Variants in NRXN1 observed in about 807,000 individuals in gnomAD.
The protein encoded by NRXN1 is neurexin-1.
Under a neutral mutation model 150.9 loss-of-function variants are expected in NRXN1, and 39 were observed. The observed-to-expected ratio is 0.26, with a 90% CI of 0.20 to 0.34. The LOEUF (loss-of-function observed/expected upper bound fraction) is 0.34, where lower values mean the gene tolerates loss of function less well. Ranked by LOEUF, NRXN1 falls within the 10% of genes least tolerant of loss-of-function variation. The pLI is 1.00. For synonymous variants in NRXN1, 924 were observed against 757.0 expected (o/e 1.22, Z -3.62); for missense variants, 1,815 against 1,949.9 (o/e 0.93, Z 1.30).
At chr2:50,175,211 C>A (rs1165093759) in intron 18 of NRXN1, 1 of 152,154 alleles carries the variant, frequency 6.6e-6, no homozygotes, top group Non-Finnish European at 1.5e-5. Context: ...TGATAAGAAC[C>A]CCTCCTGAAA....
Position 49,921,742 on chromosome 2 carries a change from G to GT in NRXN1, c.*201dup. On this transcript the variant is annotated 3_prime_UTR_variant, in exon 23 of 23. Coordinates refer to ENST00000401669, the MANE Select transcript of NRXN1 (RefSeq NM_001330078.2). ...GATGTTAGGGAATTTATTGGCCCCT[G>GT]TTTTTTGTTTTTTGTTTTTCTTTTT... The GT allele has an allele frequency of 1.7e-6, 1 of 587,202 alleles. No individual in the cohort carries two copies. The highest frequency in any genetic ancestry group is 2.9e-6 in the Non-Finnish European group (1 of 340,842). The allele number at this position is 587,202 out of a possible 1,614,324, so 36.4% of individuals were successfully genotyped here.
intron 5 of NRXN1, among the ~76,000 whole-genome samples, chr2:50,830,641 T>A (rs1326534374): frequency 6.6e-6 from 1 of 151,436 alleles, no homozygotes; most frequent in Non-Finnish European, 1.5e-5. Context: ...CACAGTTCCC[T>A]GTTCTGTCAG....
Position 50,370,209 on chromosome 2 carries a change from T to C in NRXN1, c.3364+95233A>G, listed in dbSNP as rs746336617. 1.9e-4 allele frequency among the ~76,000 whole-genome samples: 29 copies of C among 152,006 alleles called. 1 individual carries two copies. The highest frequency in any genetic ancestry group is 3.1e-4 in the Non-Finnish European group (21 of 67,958). ...AATACATTAGGGCAGGGTACATGTT[T>C]GATGTTGTTTTGAGTCTCCATTTTG... On this transcript the variant is annotated intron_variant, in intron 17 of 22. Transcript: ENST00000401669.
intron 19 of NRXN1, among the ~76,000 whole-genome samples, chr2:50,056,381 G>T (rs1693623782): frequency 6.6e-6 from 1 of 151,972 alleles, no homozygotes; most frequent in Admixed American, 6.6e-5. Context: ...TCATCAATTT[G>T]TCATCTGAAT....
At chr2:50,279,492 T>C (rs1022265715) in intron 17 of NRXN1, among the ~76,000 whole-genome samples, 3 of 152,186 alleles carry the variant, frequency 2.0e-5, no homozygotes, top group Admixed American at 6.5e-5. Flanking sequence ...AATTTAACTT[T>C]TTTGGTTGTC....
intron 17 of NRXN1, among the ~76,000 whole-genome samples, chr2:50,374,123 T>C (rs2080310359): frequency 6.6e-6 from 1 of 151,036 alleles, no homozygotes; most frequent in South Asian, 2.1e-4. Context: ...AGACCTCGTC[T>C]CTATTTCAAA....
chr2:50,144,966 T>C (rs1260630444), intron 18 of NRXN1, among the ~76,000 whole-genome samples: 2 of 151,792 alleles, frequency 1.3e-5, no homozygotes, highest in Non-Finnish European at 2.9e-5. Flanking sequence ...TTAAAATTCA[T>C]AAACTAAATG....
At chr2:50,869,187 T>G (rs2106086251) in intron 5 of NRXN1, among the ~76,000 whole-genome samples, 1 of 151,912 alleles carries the variant, frequency 6.6e-6, no homozygotes, top group South Asian at 2.1e-4. Context: ...ATGAAGCAAT[T>G]AATAACAGTC....
chr2:50,251,043 T>C (rs532071577), intron 17 of NRXN1, among the ~76,000 whole-genome samples: 88 of 151,896 alleles, frequency 5.8e-4, no homozygotes, highest in African/African-American at 2.1e-3. Context: ...AATAAATTTA[T>C]TACATGTTGT....
rs55640811 is a variant in NRXN1, at chr2:51,028,169, G to T, written c.105C>A (p.Gly35=). The T allele has an allele frequency of 1.1e-3, 1,683 of 1,517,072 alleles. 1 individual carries two copies. Among genetic ancestry groups the T allele is most frequent in the Non-Finnish European group, 1.4e-3 (1,558 of 1,136,124 alleles). The allele number at this position is 1,517,072 out of a possible 1,614,324, so 94.0% of individuals were successfully genotyped here. ...AELGSGLEFP[G]AEGQWTRFPK... Reference sequence around the variant, plus strand: ...GGAAGCGCGTCCATTGGCCCTCGGCGCCCGGAAACTCCAGCCCGCTGCCCA... The same window carrying T: ...GGAAGCGCGTCCATTGGCCCTCGGCTCCCGGAAACTCCAGCCCGCTGCCCA... The change falls in exon 2 of 23, where the codon GGC becomes GGA. Residue 35 remains glycine (G), a synonymous_variant. Coordinates refer to ENST00000401669, the MANE Select transcript of NRXN1 (RefSeq NM_001330078.2).
At chr2:50,916,042 G>A (rs181330866) in intron 5 of NRXN1, among the ~76,000 whole-genome samples, 30 of 143,970 alleles carry the variant, frequency 2.1e-4, no homozygotes, top group Admixed American at 1.6e-3. Context: ...GAGAGACACC[G>A]GCATTCTAGA....
chr2:50,601,207 T>C (rs1302060970), intron 8 of NRXN1, among the ~76,000 whole-genome samples: 1 of 152,196 alleles, frequency 6.6e-6, no homozygotes, highest in African/African-American at 2.4e-5. Context: ...GTGTTAACAT[T>C]TTAAGCTTAT....
chr2:50,373,676 AAG>A (rs974152833), intron 17 of NRXN1, among the ~76,000 whole-genome samples: 3 of 103,932 alleles, frequency 2.9e-5, no homozygotes, highest in African/African-American at 1.4e-4. Flanking sequence ...GAAAGAAAGA[AAG>A]AAAAGAAAGA....
chr2:50,216,653 T>A (rs1007317002), intron 18 of NRXN1, among the ~76,000 whole-genome samples: 1 of 151,876 alleles, frequency 6.6e-6, no homozygotes, highest in African/African-American at 2.4e-5. Flanking sequence ...AAAAAAAAAA[T>A]CAGAGTGCTT....
intron 2 of NRXN1, among the ~76,000 whole-genome samples, chr2:50,999,270 T>A (rs1188673797): frequency 6.6e-6 from 1 of 152,076 alleles, no homozygotes; most frequent in African/African-American, 2.4e-5. Context: ...TCCATTTATT[T>A]GTTCAATAAA....
chr2:50,409,619 T>C (rs2083000923), intron 17 of NRXN1, among the ~76,000 whole-genome samples: 1 of 152,202 alleles, frequency 6.6e-6, no homozygotes, highest in African/African-American at 2.4e-5. Flanking sequence ...AAGATGAGGA[T>C]TTTAAAGAAC....
chr2:50,500,701 GACA>G (rs2091897760), intron 13 of NRXN1, among the ~76,000 whole-genome samples: 1 of 152,120 alleles, frequency 6.6e-6, no homozygotes, highest in East Asian at 1.9e-4. Context: ...TCTCCAACAA[GACA>G]ACAACCAAAA....
chr2:50,929,704 T>C (rs1198876032), intron 2 of NRXN1, among the ~76,000 whole-genome samples: 1 of 152,108 alleles, frequency 6.6e-6, no homozygotes, highest in Non-Finnish European at 1.5e-5. Flanking sequence ...GGGAGTGTGC[T>C]AACTTCTATC....
chr2:50,630,651 A>T (rs1268872743), intron 5 of NRXN1, among the ~76,000 whole-genome samples: 2 of 151,792 alleles, frequency 1.3e-5, no homozygotes, highest in Non-Finnish European at 3.0e-5. Context: ...ATTCTTGATT[A>T]TATTGCTTTT....
Sources: allele counts gnomAD v4.1 joint callset (sites outside exome capture counted in the v4.1 genomes callset), GRCh38; gene constraint gnomAD v4.1.1; transcripts MANE v1.5; gene names NCBI Gene and HGNC (gene_info 2026-07-23, HGNC 2026-07-21).